The following LIMD1 variants were observed in gnomAD, a reference collection of about 807,000 sequenced individuals.
The protein encoded by LIMD1 is LIM domain containing 1, also known as LIM domain-containing protein 1.
A neutral mutation model predicts 58.4 loss-of-function variants in LIMD1; 23 were observed. That is an observed-to-expected ratio of 0.39 (90% CI 0.28 to 0.56). The LOEUF is 0.56. LIMD1 is among the 20% of genes least tolerant of loss of function. LIMD1 has a pLI of 0.57. For synonymous variants in LIMD1, 334 were observed against 345.5 expected (o/e 0.97, Z 0.37); for missense variants, 838 against 855.5 (o/e 0.98, Z 0.25).
intron 1 of LIMD1, among the ~76,000 whole-genome samples, chr3:45,622,207 G>T (rs79363926): frequency 2.6e-5 from 4 of 152,034 alleles, no homozygotes; most frequent in East Asian, 1.9e-4. Flanking sequence ...TCCCTGCTCC[G>T]CTGTCCTCCA....
chr3:45,667,700 G>A (rs1265711145), intron 3 of LIMD1, among the ~76,000 whole-genome samples: 4 of 151,788 alleles, frequency 2.6e-5, no homozygotes, highest in Non-Finnish European at 5.9e-5. Flanking sequence ...AACCAGAACC[G>A]GAGTTGAATT....
At chr3:45,653,933 GA>G (rs58994550) in intron 2 of LIMD1, among the ~76,000 whole-genome samples, 14,567 of 117,734 alleles carry the variant, frequency 0.12, 784 homozygotes, top group African/African-American at 0.18. Context: ...AAAAGAAAAA[GA>G]AAAAAAAAAA....
chr3:45,639,920 C>T lies in LIMD1; in HGVS notation c.1510+3669C>T, dbSNP rs549629693. ...TCAGGTGATCTACCCGCCTCAGCTTCCCAAAATGCTGGGATTACAGGCGTG... is the reference window on the plus strand; with the variant it reads ...TCAGGTGATCTACCCGCCTCAGCTTTCCAAAATGCTGGGATTACAGGCGTG... On this transcript the variant is annotated intron_variant, in intron 2 of 7. Transcript: ENST00000273317. 3.3e-5 allele frequency among the ~76,000 whole-genome samples: 5 copies of T among 152,328 alleles called. No homozygotes were observed. The South Asian group carries it at 1.0e-3, about 32-fold the overall frequency.
At chr3:45,667,283 T>C (rs1311024788) in intron 3 of LIMD1, among the ~76,000 whole-genome samples, 1 of 152,192 alleles carries the variant, frequency 6.6e-6, no homozygotes, top group Non-Finnish European at 1.5e-5. Context: ...ATGGGCCAGA[T>C]CTGTCAATGC....
At position 45,620,404 on chromosome 3, in the gene LIMD1, A is replaced by G. The variant is rs544819019; in HGVS notation, c.1409-15746A>G. Among the ~76,000 whole-genome samples, 73 of 152,366 alleles carry G rather than the reference A, an allele frequency of 4.8e-4. 1 individual carries two copies. Among genetic ancestry groups the G allele is most frequent in the African/African-American group, 1.7e-3 (70 of 41,582 alleles). ...TGGGGAGAAGGGAAAACTTTTGTAC[A>G]GAGGATTCCATTAGTAAAATGTAGA... On this transcript the variant is annotated intron_variant, in intron 1 of 7. Coordinates refer to ENST00000273317, the MANE Select transcript of LIMD1 (RefSeq NM_014240.3).
At chr3:45,676,300 C>A (rs1249265649) in intron 7 of LIMD1, among the ~76,000 whole-genome samples, 2 of 151,504 alleles carry the variant, frequency 1.3e-5, no homozygotes, top group Non-Finnish European at 2.9e-5. Context: ...AAAAAAGTTA[C>A]CCATGAGATT....
At position 45,685,522 on chromosome 3, in the gene LIMD1, T is replaced by C. The variant is rs1697799813; in HGVS notation, c.*8463T>C. 1 of 152,108 alleles carries C rather than the reference T, an allele frequency of 6.6e-6. No homozygotes were observed. Among genetic ancestry groups the C allele is most frequent in the Non-Finnish European group, 1.5e-5 (1 of 68,036 alleles). 9.4% of individuals were successfully genotyped at this position (152,108 alleles called of 1,614,324 possible). On this transcript the variant is annotated 3_prime_UTR_variant, in exon 8 of 8. Transcript: ENST00000273317. ...GAAATGTCCAAGAGCCCAGAGATAG[T>C]GGGTAAAAGCATCATAAGGACTAGA...
At chr3:45,610,393 G>A (rs968007943) in intron 1 of LIMD1, among the ~76,000 whole-genome samples, 1 of 152,148 alleles carries the variant, frequency 6.6e-6, no homozygotes, top group Admixed American at 6.5e-5. Flanking sequence ...TCAGATGAGC[G>A]CTCTCATGTG....
At chr3:45,660,873 G>A (rs1697428223) in intron 2 of LIMD1, among the ~76,000 whole-genome samples, 1 of 152,198 alleles carries the variant, frequency 6.6e-6, no homozygotes, top group Non-Finnish European at 1.5e-5. Flanking sequence ...GTTCTCTGGA[G>A]TCCCTTTATA....
Position 45,674,396 on chromosome 3 carries a change from G to A in LIMD1, c.1878G>A (p.Glu626=), listed in dbSNP as rs1307685936. The A allele has an allele frequency of 6.2e-7, 1 of 1,613,822 alleles. No individual in the cohort carries two copies. Among genetic ancestry groups the A allele is most frequent in the East Asian group, 2.2e-5 (1 of 44,844 alleles). ...CCATGGACAGAGACTACCACGTGGA[G>A]TGTTACCACTGCGAGGTAGACCCCT... ...VVSMDRDYHV[E]CYHCEDCGLE... is the part of the protein sequence containing the mutation. Residue 626 remains glutamate, a synonymous_variant, in exon 7 of 8, where the codon GAG becomes GAA. Transcript: ENST00000273317.
At position 45,677,130 on chromosome 3, in the gene LIMD1, C is replaced by T. The variant is rs1697682863; in HGVS notation, c.*71C>T. On this transcript the variant is annotated 3_prime_UTR_variant, in exon 8 of 8. Transcript: ENST00000273317. ...TTGCTGCTGCTGCTTCCGGTGGCCCCTGGGGTGGAAGTGGGGTAGGGGAAG... is the reference window on the plus strand; with the variant it reads ...TTGCTGCTGCTGCTTCCGGTGGCCCTTGGGGTGGAAGTGGGGTAGGGGAAG... The T allele has an allele frequency of 6.4e-7, 1 of 1,565,866 alleles. No individual in the cohort carries two copies. Among genetic ancestry groups the T allele is most frequent in the African/African-American group, 1.3e-5 (1 of 74,222 alleles).
chr3:45,634,080 A>G (rs1701762378), intron 1 of LIMD1, among the ~76,000 whole-genome samples: 1 of 152,204 alleles, frequency 6.6e-6, no homozygotes. Flanking sequence ...AAATTTTAAC[A>G]TTATATAATG....
chr3:45,653,919 AAAAAAAAG>A (rs1328359534), intron 2 of LIMD1, among the ~76,000 whole-genome samples: 3 of 145,778 alleles, frequency 2.1e-5, no homozygotes, highest in African/African-American at 5.3e-5. Context: ...AAAAAAAAAA[AAAAAAAAG>A]AAAAAGAAAA....
chr3:45,648,172 T>C lies in LIMD1; in HGVS notation c.1510+11921T>C, dbSNP rs1388445022. On this transcript the variant is annotated intron_variant, in intron 2 of 7. Transcript: ENST00000273317. ...TAACCCTTCAGCACCTTTAGTATAA[T>C]TCTGAACACAGAATAAATGTTGGAA... Among the ~76,000 whole-genome samples, 6 of 152,332 alleles carry C rather than the reference T, an allele frequency of 3.9e-5. No individual in the cohort carries two copies. The East Asian group carries it at 9.6e-4, about 24-fold the overall frequency.
At chr3:45,641,890 CTCTGT>C (rs1701846986) in intron 2 of LIMD1, among the ~76,000 whole-genome samples, 1 of 152,212 alleles carries the variant, frequency 6.6e-6, no homozygotes, top group Non-Finnish European at 1.5e-5. Context: ...GAGCCCACAG[CTCTGT>C]TCTGAGAGGC....
intron 2 of LIMD1, among the ~76,000 whole-genome samples, chr3:45,660,119 G>A (rs970879555): frequency 1.3e-5 from 2 of 152,102 alleles, no homozygotes; most frequent in Non-Finnish European, 2.9e-5. Context: ...CCCATTCCTG[G>A]AACCAAAGTG....
intron 2 of LIMD1, among the ~76,000 whole-genome samples, chr3:45,655,700 GT>G (rs1298319099): frequency 6.6e-6 from 1 of 152,170 alleles, no homozygotes; most frequent in Non-Finnish European, 1.5e-5. Flanking sequence ...GCATGCTAAG[GT>G]TTGAGAACCA....
At chr3:45,603,661 G>A (rs759627669) in intron 1 of LIMD1, among the ~76,000 whole-genome samples, 1 of 152,174 alleles carries the variant, frequency 6.6e-6, no homozygotes, top group East Asian at 1.9e-4. Flanking sequence ...ACATCGGGCA[G>A]TCTCTGTGCA....
chr3:45,676,478 G>A (rs1203928072), intron 7 of LIMD1, among the ~76,000 whole-genome samples: 1 of 151,998 alleles, frequency 6.6e-6, no homozygotes, highest in Non-Finnish European at 1.5e-5. Flanking sequence ...AACAGGCCCT[G>A]GTGTGTGTTG....
Sources: gnomAD v4.1 joint callset for allele counts (sites outside exome capture counted in the v4.1 genomes callset) on GRCh38, gnomAD v4.1.1 for gene constraint, MANE v1.5 for transcripts, NCBI Gene and HGNC (gene_info 2026-07-23, HGNC 2026-07-21) for gene names.